IL10RB: variants seen among roughly 807,000 people sequenced by gnomAD.
The protein encoded by IL10RB is interleukin 10 receptor subunit beta.
IL10RB carries 30 observed loss-of-function variants against 38.7 expected under a neutral mutation model. That is an observed-to-expected ratio of 0.78 (90% CI 0.58 to 1.05). IL10RB has a LOEUF of 1.05. Among genes scored for constraint, IL10RB ranks in the 50% least tolerant of loss-of-function variants. The pLI is 0.00. For synonymous variants in IL10RB, 142 were observed against 145.9 expected, an observed-to-expected ratio of 0.97 and a Z score of 0.19; for missense variants, 328 against 397.1, an observed-to-expected ratio of 0.83 and a Z score of 1.48.
At chr21:33,279,530 A>G (rs1436730798) in intron 3 of IL10RB, among the ~76,000 whole-genome samples, 1 of 152,238 alleles carries the variant, frequency 6.6e-6, no homozygotes, top group African/African-American at 2.4e-5. Context: ...CACAATAAAC[A>G]TAAGTGGACT....
chr21:33,287,628 A>G (rs1471942122), intron 5 of IL10RB, among the ~76,000 whole-genome samples: 1 of 151,568 alleles, frequency 6.6e-6, no homozygotes, highest in Non-Finnish European at 1.5e-5. Flanking sequence ...CGGCCTCCCA[A>G]AGTGCTGGGG....
chr21:33,291,000 C>G (rs1481369227), intron 6 of IL10RB, among the ~76,000 whole-genome samples: 1 of 152,196 alleles, frequency 6.6e-6, no homozygotes, highest in Non-Finnish European at 1.5e-5. Context: ...TGTCCCAGGC[C>G]TCTACCCTAA....
chr21:33,296,265 A>C lies in IL10RB; in HGVS notation c.886A>C (p.Ser296Arg), dbSNP rs147772699. The change falls in exon 7 of 7, where the codon AGT (serine) becomes CGT (arginine). Residue 296 changes from serine to arginine, a missense_variant. Transcript: ENST00000290200. ...TGAGAATGATGTTTTTGACAAGCTAAGTGTCATTGCAGAAGACTCTGAGAG... is the reference window on the plus strand; with the variant it reads ...TGAGAATGATGTTTTTGACAAGCTACGTGTCATTGCAGAAGACTCTGAGAG... ...SDENDVFDKL[S>R]VIAEDSESGK... 12 of 1,614,108 alleles carry C rather than the reference A, an allele frequency of 7.4e-6. No individual in the cohort carries two copies. In the East Asian group the frequency reaches 2.5e-4, roughly 33 times the overall value.
chr21:33,267,890 CTGGG>C (rs1989001239), intron 1 of IL10RB: 2 of 236,222 alleles, frequency 8.5e-6, no homozygotes, highest in Admixed American at 5.2e-5. Context: ...GGTGTGACCT[CTGGG>C]CTCATTCATC....
In IL10RB at chr21:33,266,450, C is replaced by T; in HGVS notation, c.-16C>T. On this transcript the variant is annotated 5_prime_UTR_variant, in exon 1 of 7. Transcript: ENST00000290200. The stretch of plus-strand genomic sequence containing the variant: ...CGTGTGCTTGGAGGAAGCCGCGGAA[C>T]CCCCAGCGTCCGTCCATGGCGTGGA... 6.5e-7 allele frequency: 1 copy of T among 1,540,658 alleles called. No homozygotes were observed. Among genetic ancestry groups the T allele is most frequent in the East Asian group, 2.4e-5 (1 of 40,858 alleles).
rs768254301 is a variant in IL10RB, at chr21:33,296,664, C to T, written c.*307C>T. ...AAGATCATGTTTTAATTGTGAGAAA[C>T]AGGGCCGAGCACAGTGGCTCACGCC... On this transcript the variant is annotated 3_prime_UTR_variant, in exon 7 of 7. Coordinates refer to ENST00000290200, the MANE Select transcript of IL10RB (RefSeq NM_000628.5). 8.4e-5 allele frequency: 40 copies of T among 477,060 alleles called. No individual in the cohort carries two copies. Among genetic ancestry groups the T allele is most frequent in the African/African-American group, 6.6e-4 (34 of 51,274 alleles). 29.6% of individuals were successfully genotyped at this position (477,060 alleles called of 1,614,324 possible).
chr21:33,267,701 A>G (rs1309582305), intron 1 of IL10RB, among the ~76,000 whole-genome samples: 1 of 151,040 alleles, frequency 6.6e-6, no homozygotes, highest in Non-Finnish European at 1.5e-5. Context: ...TTTTTATTGG[A>G]GATGGGGTTT....
rs770877186 is a variant in IL10RB at position 33,268,411 on chromosome 21, C to T, written c.67C>T (p.Pro23Ser). Residue 23 changes from proline to serine, a missense_variant, in exon 2 of 7, where the codon CCT becomes TCT. Transcript: ENST00000290200. ...LLVSALGMVP[P>S]PENVRMNSVN... The stretch of plus-strand genomic sequence containing the variant: ...TTTCATAGCATTGGGAATGGTACCA[C>T]CTCCCGAAAATGTCAGAATGAATTC... 2.5e-6 allele frequency: 4 copies of T among 1,613,224 alleles called. No homozygotes were observed. Among genetic ancestry groups the T allele is most frequent in the South Asian group, 1.1e-5 (1 of 91,068 alleles).
At chr21:33,298,984 C>G (rs1414641894), downstream of IL10RB, among the ~76,000 whole-genome samples, 4 of 152,174 alleles carry the variant, frequency 2.6e-5, no homozygotes, top group African/African-American at 9.7e-5. Flanking sequence ...TGGCCAGCCT[C>G]TTTGTGGGCT....
intron 1 of IL10RB, chr21:33,308,936 T>A (rs1192259733): frequency 6.6e-6 from 1 of 152,206 alleles, no homozygotes; most frequent in Non-Finnish European, 1.5e-5. Context: ...AGTACAAAAT[T>A]TGCAGTTTTC....
At chr21:33,304,254 G>C (rs1328277892) in intron 1 of IL10RB, among the ~76,000 whole-genome samples, 2 of 152,228 alleles carry the variant, frequency 1.3e-5, no homozygotes. Flanking sequence ...TTGTTGCTCT[G>C]TTTCTAGTTT....
At chr21:33,297,431 A>G (rs561843705), downstream of IL10RB, among the ~76,000 whole-genome samples, 1 of 114,832 alleles carries the variant, frequency 8.7e-6, no homozygotes, top group Non-Finnish European at 1.8e-5. Flanking sequence ...ATCCGTTATT[A>G]AAAAAAAAAA....
chr21:33,281,324 T>C (rs1989275802), intron 4 of IL10RB, among the ~76,000 whole-genome samples: 1 of 152,228 alleles, frequency 6.6e-6, no homozygotes. Flanking sequence ...CTCCGGGAGC[T>C]AGCAACAGAC....
At chr21:33,279,691 T>A in intron 3 of IL10RB, 61 bp from the exon 4 acceptor site, 1 of 1,431,724 alleles carries the variant, frequency 7.0e-7, no homozygotes, top group African/African-American at 1.4e-5. Context: ...TTATGAAAAA[T>A]TAATGTTGAA....
intron 5 of IL10RB, among the ~76,000 whole-genome samples, 191 bp from the exon 6 acceptor site, chr21:33,287,913 T>G (rs1407047274): frequency 1.3e-5 from 2 of 152,136 alleles, no homozygotes; most frequent in Non-Finnish European, 2.9e-5. Context: ...GAAACCAAAC[T>G]TTGGAGAAGA....
intron 1 of IL10RB, among the ~76,000 whole-genome samples, chr21:33,302,556 C>G (rs1465633590): frequency 6.6e-6 from 1 of 152,220 alleles, no homozygotes; most frequent in Non-Finnish European, 1.5e-5. Context: ...TTCCAGGGAA[C>G]CCAGCCTAAT....
chr21:33,282,936 T>C (rs1206590709), intron 4 of IL10RB, among the ~76,000 whole-genome samples, 158 bp from the exon 5 acceptor site: 1 of 152,134 alleles, frequency 6.6e-6, no homozygotes, highest in Non-Finnish European at 1.5e-5. Flanking sequence ...ATGCACCCCC[T>C]GAGTGGCCTC....
chr21:33,268,333 T>A, intron 1 of IL10RB, 61 bp from the exon 2 acceptor site: 1 of 1,611,580 alleles, frequency 6.2e-7, no homozygotes, highest in Middle Eastern at 1.7e-4. Flanking sequence ...GGATGTGGGC[T>A]TTTTCATGGG....
At chr21:33,305,900 C>T (rs576563351) in intron 1 of IL10RB, among the ~76,000 whole-genome samples, 2 of 152,136 alleles carry the variant, frequency 1.3e-5, no homozygotes, top group South Asian at 4.2e-4. Flanking sequence ...GGCACAATCT[C>T]GGCTCACTGC....
Sources: allele counts gnomAD v4.1 joint callset (sites outside exome capture counted in the v4.1 genomes callset), GRCh38; gene constraint gnomAD v4.1.1; transcripts MANE v1.5; gene names NCBI Gene and HGNC (gene_info 2026-07-23, HGNC 2026-07-21).